The following RPH3A variants were observed in gnomAD, a reference collection of about 807,000 sequenced individuals.
RPH3A encodes rabphilin-3A.
A neutral mutation model predicts 102.2 loss-of-function variants in RPH3A; 48 were observed. The observed-to-expected ratio is 0.47, with a 90% CI of 0.37 to 0.60. The LOEUF (loss-of-function observed/expected upper bound fraction) is 0.60, where lower values mean the gene tolerates loss of function less well. Ranked by LOEUF, RPH3A falls within the 20% of genes least tolerant of loss-of-function variation. RPH3A has a pLI of 0.00. For synonymous variants in RPH3A, 310 were observed against 324.3 expected (o/e 0.96, Z 0.47); for missense variants, 781 against 910.1 (o/e 0.86, Z 1.83).
intron 1 of RPH3A, among the ~76,000 whole-genome samples, chr12:112,757,662 A>T (rs1205464921): frequency 6.6e-6 from 1 of 152,204 alleles, no homozygotes; most frequent in Non-Finnish European, 1.5e-5. Flanking sequence ...TATCAATTAA[A>T]CATAATAAAG....
chr12:112,782,295 G>T lies in RPH3A; in HGVS notation c.-139-9848G>T, dbSNP rs2041015337. On this transcript the variant is annotated intron_variant, in intron 1 of 21. Transcript: ENST00000543106. Reference sequence around the variant, plus strand: ...ATTAATTTTAGGATCTATTTTCCAGGGTAACTCTGAGTATTAAACAATATC... The same window carrying T: ...ATTAATTTTAGGATCTATTTTCCAGTGTAACTCTGAGTATTAAACAATATC... Among the ~76,000 whole-genome samples the T allele has an allele frequency of 1.3e-5, 2 of 152,164 alleles. 1 individual carries two copies. Among genetic ancestry groups the T allele is most frequent in the Non-Finnish European group, 2.9e-5 (2 of 68,042 alleles).
intron 1 of RPH3A, among the ~76,000 whole-genome samples, chr12:112,671,192 C>T (rs925386285): frequency 2.6e-5 from 4 of 152,172 alleles, no homozygotes; most frequent in South Asian, 2.1e-4. Flanking sequence ...CTGGCCTCTT[C>T]ATATTAATTA....
intron 4 of RPH3A, among the ~76,000 whole-genome samples, chr12:112,841,438 G>T (rs1205884449): frequency 1.3e-5 from 2 of 152,088 alleles, no homozygotes; most frequent in Non-Finnish European, 2.9e-5. Context: ...AGTCGGCTTT[G>T]CTACTTCAAG....
intron 1 of RPH3A, among the ~76,000 whole-genome samples, chr12:112,751,923 C>G (rs763194687): frequency 6.6e-6 from 1 of 152,042 alleles, no homozygotes; most frequent in African/African-American, 2.4e-5. Context: ...TATTGTCATG[C>G]AAAGATGCTC....
At chr12:112,596,511 T>C (rs2039517457) in intron 1 of RPH3A, among the ~76,000 whole-genome samples, 1 of 152,224 alleles carries the variant, frequency 6.6e-6, no homozygotes, top group Non-Finnish European at 1.5e-5. Context: ...ACTGCAGTAA[T>C]GCCTTCATTG....
At chr12:112,735,936 G>T (rs2040666508) in intron 1 of RPH3A, among the ~76,000 whole-genome samples, 1 of 152,096 alleles carries the variant, frequency 6.6e-6, no homozygotes, top group East Asian at 1.9e-4. Flanking sequence ...TGTTCCCATT[G>T]TTCCCTGGGA....
chr12:112,584,017 CTAAAT>C (rs773832002), intron 1 of RPH3A, among the ~76,000 whole-genome samples: 31 of 152,114 alleles, frequency 2.0e-4, no homozygotes, highest in Admixed American at 3.9e-4. Context: ...AATTAAAGGG[CTAAAT>C]TATAGAGTCT....
chr12:112,593,636 C>T (rs901391785), intron 1 of RPH3A, among the ~76,000 whole-genome samples: 1 of 152,146 alleles, frequency 6.6e-6, no homozygotes, highest in Non-Finnish European at 1.5e-5. Flanking sequence ...ATAGATGGTG[C>T]GTTAGATTGG....
At chr12:112,647,968 T>G (rs996322908) in intron 1 of RPH3A, among the ~76,000 whole-genome samples, 2 of 152,228 alleles carry the variant, frequency 1.3e-5, no homozygotes, top group Non-Finnish European at 1.5e-5. Flanking sequence ...AAGACTCATT[T>G]TGAGGAGACA....
At chr12:112,843,350 G>A (rs1398556692) in intron 4 of RPH3A, among the ~76,000 whole-genome samples, 3 of 152,180 alleles carry the variant, frequency 2.0e-5, no homozygotes, top group East Asian at 1.9e-4. Flanking sequence ...ACCAATCGGC[G>A]ACATTTTCAA....
chr12:112,710,551 T>C (rs1026653473), intron 1 of RPH3A, among the ~76,000 whole-genome samples: 6 of 152,218 alleles, frequency 3.9e-5, no homozygotes, highest in Non-Finnish European at 8.8e-5. Context: ...ATCATATTTG[T>C]AGTGTTGTGA....
In RPH3A at chr12:112,754,071, A is replaced by C. The variant is rs573339786; in HGVS notation, c.-139-38072A>C. ...CCCCTAGAGCCCACAGAAGGAGTGC[A>C]GCGCTGACAATCCATTTGGCTTCTG... On this transcript the variant is annotated intron_variant, in intron 1 of 21. Coordinates refer to the RPH3A transcript ENST00000543106. 4.3e-4 allele frequency among the ~76,000 whole-genome samples: 65 copies of C among 152,292 alleles called. No homozygotes were observed. In the Middle Eastern group the frequency reaches 0.01, roughly 24 times the overall value.
intron 4 of RPH3A, among the ~76,000 whole-genome samples, chr12:112,837,302 C>G (rs191616024): frequency 6.6e-6 from 1 of 152,008 alleles, no homozygotes; most frequent in East Asian, 1.9e-4. Context: ...GTGGTGGGAT[C>G]GAATGAGATG....
intron 1 of RPH3A, among the ~76,000 whole-genome samples, chr12:112,694,861 C>T (rs942371669): frequency 3.9e-5 from 6 of 152,126 alleles, no homozygotes; most frequent in Non-Finnish European, 7.4e-5. Context: ...GTGTGAGTGA[C>T]GATTAAGTGA....
chr12:112,638,444 C>T (rs183167393), intron 1 of RPH3A, among the ~76,000 whole-genome samples: 237 of 152,284 alleles, frequency 1.6e-3, no homozygotes, highest in African/African-American at 4.8e-3. Flanking sequence ...GATAACCACC[C>T]GAGTTAATGA....
At chr12:112,842,231 C>T (rs768875786) in intron 4 of RPH3A, among the ~76,000 whole-genome samples, 30 of 152,358 alleles carry the variant, frequency 2.0e-4, no homozygotes, top group Non-Finnish European at 3.7e-4. Context: ...TGAATTGCCA[C>T]TGTGGCAAGG....
intron 1 of RPH3A, among the ~76,000 whole-genome samples, chr12:112,722,057 G>A (rs1171669339): frequency 2.0e-5 from 3 of 152,188 alleles, no homozygotes; most frequent in Non-Finnish European, 2.9e-5. Context: ...GAATGTCAGG[G>A]CTGAAAGAGG....
chr12:112,837,094 G>A (rs182189237), intron 4 of RPH3A, among the ~76,000 whole-genome samples: 2 of 152,282 alleles, frequency 1.3e-5, no homozygotes, highest in East Asian at 3.9e-4. Flanking sequence ...CAACCAGACT[G>A]CAAAGCAGCC....
chr12:112,744,770 C>T (rs536321920), intron 1 of RPH3A, among the ~76,000 whole-genome samples: 1 of 152,212 alleles, frequency 6.6e-6, no homozygotes, highest in Admixed American at 6.5e-5. Flanking sequence ...GAACACAGTT[C>T]CCCTGACTCC....
Sources: gnomAD v4.1 joint callset for allele counts (sites outside exome capture counted in the v4.1 genomes callset) on GRCh38, gnomAD v4.1.1 for gene constraint, MANE v1.5 for transcripts, NCBI Gene and HGNC (gene_info 2026-07-23, HGNC 2026-07-21) for gene names.